Variants in DEUP1 observed in about 807,000 individuals in gnomAD.
DEUP1 encodes coiled-coil domain containing 67.
DEUP1 carries 82 observed loss-of-function variants against 87.4 expected under a neutral mutation model. The ratio of observed to expected loss-of-function variants is 0.94; its 90% CI spans 0.78 to 1.13. The LOEUF (loss-of-function observed/expected upper bound fraction) is 1.13. DEUP1 is among the 50% of genes most tolerant of loss of function. DEUP1 has a pLI of 0.00. For synonymous variants in DEUP1, 214 were observed against 222.7 expected, an observed-to-expected ratio of 0.96 and a Z score of 0.35; for missense variants, 663 against 681.5, an observed-to-expected ratio of 0.97 and a Z score of 0.30.
At chr11:93,382,332 A>C (rs1946338911) in intron 7 of DEUP1, among the ~76,000 whole-genome samples, 1 of 152,196 alleles carries the variant, frequency 6.6e-6, no homozygotes, top group Non-Finnish European at 1.5e-5. Flanking sequence ...GCCAATTTAC[A>C]TGCTGTCATT....
intron 13 of DEUP1, among the ~76,000 whole-genome samples, chr11:93,427,155 C>G (rs912692636): frequency 2.0e-5 from 3 of 150,232 alleles, no homozygotes; most frequent in African/African-American, 4.9e-5. Flanking sequence ...AAAAAAGAGC[C>G]CACATCGCCA....
intron 7 of DEUP1, among the ~76,000 whole-genome samples, chr11:93,379,757 C>G (rs1033627200): frequency 3.3e-4 from 50 of 152,132 alleles, no homozygotes; most frequent in African/African-American, 1.1e-3. Context: ...CTTACATGCA[C>G]ACCTGAGAAG....
intron 9 of DEUP1, among the ~76,000 whole-genome samples, chr11:93,392,942 C>T (rs796655318): frequency 2.3e-5 from 2 of 87,874 alleles, no homozygotes; most frequent in South Asian, 5.2e-4. Context: ...TCTTCCTCCT[C>T]CTCCTCCCTC....
chr11:93,381,135 A>G (rs1439349870), intron 7 of DEUP1, among the ~76,000 whole-genome samples: 1 of 152,210 alleles, frequency 6.6e-6, no homozygotes. Context: ...GATAAATCTA[A>G]ATGAAAATAC....
intron 12 of DEUP1, among the ~76,000 whole-genome samples, chr11:93,414,010 T>C (rs1947526467): frequency 6.6e-6 from 1 of 152,210 alleles, no homozygotes; most frequent in Non-Finnish European, 1.5e-5. Context: ...AAACATTTAC[T>C]ATGTGCCAGG....
intron 11 of DEUP1, among the ~76,000 whole-genome samples, chr11:93,400,274 CA>C (rs1947073541): frequency 6.6e-6 from 1 of 152,172 alleles, no homozygotes; most frequent in Admixed American, 6.5e-5. Context: ...AAGGTGTCAG[CA>C]GGGCTATGCT....
At chr11:93,373,639 A>ATATATATG (rs1945879572) in intron 7 of DEUP1, among the ~76,000 whole-genome samples, 2 of 147,058 alleles carry the variant, frequency 1.4e-5, no homozygotes, top group Non-Finnish European at 3.0e-5. Flanking sequence ...ATATATATAT[A>ATATATATG]TATATATATA....
intron 2 of DEUP1, among the ~76,000 whole-genome samples, chr11:93,341,052 C>T (rs1460919872): frequency 1.3e-5 from 2 of 152,100 alleles, no homozygotes; most frequent in Non-Finnish European, 2.9e-5. Context: ...ATGCAGCATT[C>T]TTATTTTGGG....
intron 7 of DEUP1, 27 bp from the exon 8 acceptor site, chr11:93,385,371 A>G (rs1946490823): frequency 6.2e-7 from 1 of 1,609,596 alleles, no homozygotes; most frequent in Non-Finnish European, 8.5e-7. Flanking sequence ...AACAATGAGC[A>G]TGAAATTTTT....
rs374648091 is a variant in DEUP1 at position 93,355,477 on chromosome 11, C to T, written c.136C>T (p.Arg46Ter). Residue 46 changes from arginine (R) to a stop codon, truncating the protein, a stop_gained, in exon 3 of 14, where the codon CGA becomes TGA. Transcript: ENST00000298050. LOFTEE classifies it high-confidence loss of function. ...AAGAAAGATGCGGGCTTTGGAGACA[C>T]GATTAGATCTTCGGGATCAAGAATT... ...WERKMRALET[R>*]LDLRDQELAN... is the part of the protein sequence containing the mutation. The T allele has an allele frequency of 5.0e-6, 8 of 1,613,732 alleles. No individual in the cohort carries two copies. Among genetic ancestry groups the T allele is most frequent in the East Asian group, 4.5e-5 (2 of 44,828 alleles).
intron 13 of DEUP1, among the ~76,000 whole-genome samples, chr11:93,432,970 T>C (rs1161516721): frequency 6.6e-6 from 1 of 152,134 alleles, no homozygotes; most frequent in Non-Finnish European, 1.5e-5. Context: ...TTTTTTTCCT[T>C]TTACTTGCCT....
At chr11:93,419,877 TA>T (rs1257178439) in intron 13 of DEUP1, among the ~76,000 whole-genome samples, 1 of 126,754 alleles carries the variant, frequency 7.9e-6, no homozygotes, top group African/African-American at 3.3e-5. Flanking sequence ...TAAAATAAAA[TA>T]AAAATTAAAA....
intron 11 of DEUP1, among the ~76,000 whole-genome samples, chr11:93,404,059 A>G (rs1347040535): frequency 2.0e-5 from 3 of 151,990 alleles, no homozygotes; most frequent in African/African-American, 7.2e-5. Flanking sequence ...TTGACTACCT[A>G]TGAAGCTGCC....
chr11:93,435,115 G>A (rs188737173), intron 13 of DEUP1, among the ~76,000 whole-genome samples: 1 of 152,254 alleles, frequency 6.6e-6, no homozygotes, highest in Admixed American at 6.5e-5. Context: ...TAAGATAGTG[G>A]TGCAGCCAGG....
chr11:93,344,360 T>C (rs930223356), intron 2 of DEUP1, among the ~76,000 whole-genome samples: 1 of 152,192 alleles, frequency 6.6e-6, no homozygotes, highest in Non-Finnish European at 1.5e-5. Context: ...TAATATATTT[T>C]TGAGTGAGTT....
chr11:93,402,305 A>G (rs1947143459), intron 11 of DEUP1, among the ~76,000 whole-genome samples: 2 of 152,042 alleles, frequency 1.3e-5, no homozygotes, highest in Admixed American at 1.3e-4. Context: ...CCGCAATCAG[A>G]TATCATCACA....
At chr11:93,360,905 CAAAAAAAAAA>C (rs35572726) in intron 4 of DEUP1, among the ~76,000 whole-genome samples, 1 of 82,410 alleles carries the variant, frequency 1.2e-5, no homozygotes, top group African/African-American at 4.7e-5. Flanking sequence ...CAAAACTTAG[CAAAAAAAAAA>C]AAAAAAAAAG....
At chr11:93,412,205 G>C (rs1947454969) in intron 12 of DEUP1, among the ~76,000 whole-genome samples, 2 of 152,216 alleles carry the variant, frequency 1.3e-5, no homozygotes, top group Non-Finnish European at 1.5e-5. Flanking sequence ...AAATTGTGAA[G>C]TGTTGACTCA....
At chr11:93,416,898 C>G (rs1023060856) in intron 13 of DEUP1, among the ~76,000 whole-genome samples, 3 of 152,132 alleles carry the variant, frequency 2.0e-5, no homozygotes, top group African/African-American at 7.2e-5. Context: ...TAAATGTAAT[C>G]CAGCATACAA....
Sources: gnomAD v4.1 joint callset for allele counts (sites outside exome capture counted in the v4.1 genomes callset) on GRCh38, gnomAD v4.1.1 for gene constraint, MANE v1.5 for transcripts, NCBI Gene and HGNC (gene_info 2026-07-23, HGNC 2026-07-21) for gene names.